The following KCNJ6 variants were observed in gnomAD, a reference collection of about 807,000 sequenced individuals.
KCNJ6 encodes potassium inwardly rectifying channel subfamily J member 6.
In KCNJ6, 9 loss-of-function variants were observed where a neutral mutation model predicts 34.2. That is an observed-to-expected ratio of 0.26 (90% CI 0.16 to 0.46). KCNJ6 has a LOEUF of 0.46. Ranked by LOEUF, KCNJ6 falls within the 20% of genes least tolerant of loss-of-function variation. The pLI, the probability that KCNJ6 is intolerant of heterozygous loss-of-function variation, is 1.00. For missense variants in KCNJ6, 236 were observed against 531.3 expected, an observed-to-expected ratio of 0.44 and a Z score of 5.46; for synonymous variants, 196 against 207.1, an observed-to-expected ratio of 0.95 and a Z score of 0.46.
chr21:37,887,312 C>T lies in KCNJ6; in HGVS notation c.-28+28572G>A, dbSNP rs149910277. Among the ~76,000 whole-genome samples the T allele has an allele frequency of 1.5e-4, 23 of 152,354 alleles. No individual in the cohort carries two copies. In the East Asian group the frequency reaches 4.4e-3, roughly 29 times the overall value. On this transcript the variant is annotated intron_variant, in intron 1 of 3. Coordinates refer to ENST00000609713, the MANE Select transcript of KCNJ6 (RefSeq NM_002240.5). ...ACTAACCCTCCCCCAGCCCCATCCT[C>T]ATGCCTGGTTATGAATCCCAGGTTG...
At chr21:37,749,378 C>G (rs963164638) in intron 2 of KCNJ6, among the ~76,000 whole-genome samples, 1 of 152,162 alleles carries the variant, frequency 6.6e-6, no homozygotes, top group African/African-American at 2.4e-5. Flanking sequence ...ACCAGCACAG[C>G]CTGAAGACAC....
At chr21:37,716,661 G>C (rs2054793021) in intron 2 of KCNJ6, among the ~76,000 whole-genome samples, 1 of 152,144 alleles carries the variant, frequency 6.6e-6, no homozygotes. Context: ...GGGATTACAA[G>C]CATGAGGCAC....
At chr21:37,843,695 G>C (rs1316063462) in intron 1 of KCNJ6, among the ~76,000 whole-genome samples, 1 of 152,210 alleles carries the variant, frequency 6.6e-6, no homozygotes, top group Non-Finnish European at 1.5e-5. Context: ...TTCAGAGATT[G>C]TCAAGTCCAA....
intron 2 of KCNJ6, among the ~76,000 whole-genome samples, chr21:37,752,708 C>T (rs1184780019): frequency 2.0e-5 from 3 of 152,164 alleles, no homozygotes; most frequent in Non-Finnish European, 4.4e-5. Context: ...CACATTCAAA[C>T]AAATCTCATG....
chr21:37,872,409 G>A (rs562011006), intron 1 of KCNJ6, among the ~76,000 whole-genome samples: 1 of 152,322 alleles, frequency 6.6e-6, no homozygotes, highest in South Asian at 2.1e-4. Context: ...GGCTTCCTCT[G>A]TGTCACCGGC....
intron 1 of KCNJ6, among the ~76,000 whole-genome samples, chr21:37,905,764 A>AT (rs1396988066): frequency 6.6e-6 from 1 of 152,120 alleles, no homozygotes; most frequent in Non-Finnish European, 1.5e-5. Context: ...AAGTCAGGGC[A>AT]TTTTTTTCTC....
At chr21:37,739,314 G>T (rs1310378843) in intron 2 of KCNJ6, among the ~76,000 whole-genome samples, 1 of 152,076 alleles carries the variant, frequency 6.6e-6, no homozygotes, top group Non-Finnish European at 1.5e-5. Flanking sequence ...CACTGGGCAG[G>T]GCTGTTACAG....
chr21:37,628,591 A>C (rs898562491), intron 3 of KCNJ6, among the ~76,000 whole-genome samples: 1 of 152,166 alleles, frequency 6.6e-6, no homozygotes, highest in Non-Finnish European at 1.5e-5. Context: ...CCAGAAGGAG[A>C]GTATAAAGAG....
At chr21:37,752,825 C>A (rs568684923) in intron 2 of KCNJ6, among the ~76,000 whole-genome samples, 2 of 152,284 alleles carry the variant, frequency 1.3e-5, no homozygotes, top group African/African-American at 4.8e-5. Context: ...AGAAGGAAGA[C>A]CTGTGACTGT....
chr21:37,707,638 G>C (rs962611318), intron 3 of KCNJ6, among the ~76,000 whole-genome samples: 6 of 8,802 alleles, frequency 6.8e-4, no homozygotes, highest in Non-Finnish European at 1.6e-3. Flanking sequence ...AAGGTTATAA[G>C]TGGGTGGGTG....
chr21:37,761,717 TTGTG>T (rs1326503385), intron 2 of KCNJ6, among the ~76,000 whole-genome samples: 1 of 151,358 alleles, frequency 6.6e-6, no homozygotes, highest in Non-Finnish European at 1.5e-5. Context: ...ATGTGTATAT[TTGTG>T]TGTGTGGTGT....
chr21:37,785,261 T>A (rs139220792), intron 2 of KCNJ6, among the ~76,000 whole-genome samples: 199 of 152,272 alleles, frequency 1.3e-3, no homozygotes, highest in African/African-American at 4.7e-3. Context: ...GCCCAAGAAG[T>A]GGGAGGACCA....
At chr21:37,628,470 G>A (rs936375068) in intron 3 of KCNJ6, among the ~76,000 whole-genome samples, 2 of 152,166 alleles carry the variant, frequency 1.3e-5, no homozygotes, top group African/African-American at 4.8e-5. Flanking sequence ...CTGAATATAG[G>A]TCAGTTGAAA....
At chr21:37,738,480 G>A (rs1489414842) in intron 2 of KCNJ6, among the ~76,000 whole-genome samples, 3 of 152,192 alleles carry the variant, frequency 2.0e-5, no homozygotes, top group African/African-American at 4.8e-5. Context: ...ATACACTAAA[G>A]TAATCACATC....
chr21:37,708,465 T>C (rs2054732733), intron 3 of KCNJ6, among the ~76,000 whole-genome samples: 1 of 152,158 alleles, frequency 6.6e-6, no homozygotes, highest in Admixed American at 6.5e-5. Context: ...GATAGACATA[T>C]TGGAAGGAAG....
chr21:37,700,695 G>A (rs2054686218), intron 3 of KCNJ6, among the ~76,000 whole-genome samples: 1 of 152,176 alleles, frequency 6.6e-6, no homozygotes, highest in Non-Finnish European at 1.5e-5. Flanking sequence ...GGGTACTAGA[G>A]ACAGGTACAA....
In KCNJ6 at chr21:37,623,114, TGCTG is replaced by T. The variant is rs1451689314; in HGVS notation, c.*2041_*2044del. On this transcript the variant is annotated 3_prime_UTR_variant, in exon 4 of 4. Transcript: ENST00000609713. ...CAGAGATTCAATGCAAAAAAGGAAA[TGCTG>T]GCAAACAGGAAAGGGCTATAGCCAA... The T allele has an allele frequency of 1.3e-5, 2 of 152,238 alleles. No homozygotes were observed. Among genetic ancestry groups the T allele is most frequent in the African/African-American group, 4.8e-5 (2 of 41,436 alleles). 9.4% of individuals were successfully genotyped at this position (152,238 alleles called of 1,614,324 possible). A position where few individuals can be genotyped will look rare whatever the true frequency, so the allele number is the denominator to read the frequency against.
At chr21:37,809,503 T>C (rs1210627211) in intron 2 of KCNJ6, among the ~76,000 whole-genome samples, 2 of 152,008 alleles carry the variant, frequency 1.3e-5, no homozygotes, top group Non-Finnish European at 2.9e-5. Flanking sequence ...TGTGCACATG[T>C]ACCCTAAAAC....
intron 3 of KCNJ6, among the ~76,000 whole-genome samples, chr21:37,673,225 C>A (rs918044297): frequency 6.6e-6 from 1 of 152,262 alleles, no homozygotes; most frequent in South Asian, 2.1e-4. Context: ...TGAACCATCT[C>A]TAGGGCTATG....
Sources: gnomAD v4.1 joint callset for allele counts (sites outside exome capture counted in the v4.1 genomes callset) on GRCh38, gnomAD v4.1.1 for gene constraint, MANE v1.5 for transcripts, NCBI Gene and HGNC (gene_info 2026-07-23, HGNC 2026-07-21) for gene names.